Variants in DLGAP2 observed in about 807,000 individuals in gnomAD.
DLGAP2 encodes DLG associated protein 2.
DLGAP2 carries 26 observed loss-of-function variants against 100.3 expected under a neutral mutation model. That is an observed-to-expected ratio of 0.26 (90% CI 0.19 to 0.36). The LOEUF (loss-of-function observed/expected upper bound fraction) is 0.36, where lower values mean the gene tolerates loss of function less well. Among genes scored for constraint, DLGAP2 ranks in the 10% least tolerant of loss-of-function variants. The pLI is 1.00. For missense variants in DLGAP2, 1,858 were observed against 1,453.2 expected (o/e 1.28, Z -4.53); for synonymous variants, 886 against 630.1 (o/e 1.41, Z -6.08).
At chr8:828,615 G>T (rs900498207) in intron 1 of DLGAP2, among the ~76,000 whole-genome samples, 1 of 152,150 alleles carries the variant, frequency 6.6e-6, no homozygotes, top group South Asian at 2.1e-4. Context: ...GTCCTGAGAC[G>T]ATATGCATCC....
At chr8:1,098,831 A>G (rs1196406359) in intron 2 of DLGAP2, among the ~76,000 whole-genome samples, 3 of 150,804 alleles carry the variant, frequency 2.0e-5, no homozygotes, top group Admixed American at 6.6e-5. Flanking sequence ...CCGGCCGCGC[A>G]CGGACGCTGC....
intron 2 of DLGAP2, among the ~76,000 whole-genome samples, chr8:1,015,164 C>T (rs866984085): frequency 0.012 from 155 of 12,558 alleles, 4 homozygotes; most frequent in Admixed American, 0.026. Context: ...GGACAGACGA[C>T]GCCTCCACTG....
At chr8:1,628,963 T>C (rs1337131680) in intron 7 of DLGAP2, among the ~76,000 whole-genome samples, 1 of 152,256 alleles carries the variant, frequency 6.6e-6, no homozygotes, top group Non-Finnish European at 1.5e-5. Context: ...GAGTCCAGCA[T>C]ATACTGAGCA....
At chr8:1,036,343 C>T (rs1047828225) in intron 2 of DLGAP2, among the ~76,000 whole-genome samples, 1 of 152,258 alleles carries the variant, frequency 6.6e-6, no homozygotes, top group African/African-American at 2.4e-5. Context: ...GCAGTGGATG[C>T]TGGCTTGGGG....
intron 3 of DLGAP2, among the ~76,000 whole-genome samples, chr8:1,474,040 C>G (rs184703969): frequency 0.018 from 2,741 of 152,172 alleles, 83 homozygotes; most frequent in African/African-American, 0.063. Flanking sequence ...ATCCTTCACC[C>G]CTTCCCCCCG....
chr8:1,152,611 G>A (rs1180069424), intron 2 of DLGAP2, among the ~76,000 whole-genome samples: 1 of 152,204 alleles, frequency 6.6e-6, no homozygotes, highest in Non-Finnish European at 1.5e-5. Flanking sequence ...CCCAGCAGGG[G>A]AGGTTTGGGG....
chr8:1,391,964 A>T (rs975020931), intron 3 of DLGAP2, among the ~76,000 whole-genome samples: 1 of 152,200 alleles, frequency 6.6e-6, no homozygotes, highest in Non-Finnish European at 1.5e-5. Context: ...CATTGTTGTG[A>T]TGCTGTAGGA....
intron 3 of DLGAP2, among the ~76,000 whole-genome samples, chr8:1,348,436 C>T (rs1801619992): frequency 6.7e-6 from 1 of 148,818 alleles, no homozygotes; most frequent in African/African-American, 2.5e-5. Context: ...AGGCTGAGTT[C>T]CTATACAGAG....
chr8:1,022,813 C>T (rs572029449), intron 2 of DLGAP2, among the ~76,000 whole-genome samples: 1 of 152,138 alleles, frequency 6.6e-6, no homozygotes, highest in Non-Finnish European at 1.5e-5. Context: ...ACCCATCCCC[C>T]CCGGGAGTGG....
chr8:872,223 T>C (rs1797611963), intron 1 of DLGAP2, among the ~76,000 whole-genome samples: 1 of 152,180 alleles, frequency 6.6e-6, no homozygotes, highest in Non-Finnish European at 1.5e-5. Flanking sequence ...ATTTTTTTAT[T>C]ATTCAACTTC....
intron 3 of DLGAP2, among the ~76,000 whole-genome samples, chr8:1,481,518 G>C (rs1346979500): frequency 1.6e-5 from 1 of 63,448 alleles, no homozygotes; most frequent in South Asian, 5.3e-4. Context: ...TGCTTTTGTC[G>C]CCCAGGCTGG....
intron 14 of DLGAP2, among the ~76,000 whole-genome samples, chr8:1,699,668 A>C (rs1233189420): frequency 6.6e-6 from 1 of 151,878 alleles, no homozygotes; most frequent in Non-Finnish European, 1.5e-5. Flanking sequence ...AGAGCACGCC[A>C]GTCCAGAAAG....
At position 807,778 on chromosome 8, in the gene DLGAP2, T is replaced by G. The variant is rs182175209; in HGVS notation, c.18+69953T>G. ...ATTTCTTAGCTACTTAGCTGTCTCT[T>G]TTTACTGCTACCCATTTTCCCTTTG... On this transcript the variant is annotated intron_variant, in intron 1 of 14. Transcript: ENST00000637795. 5.3e-5 allele frequency among the ~76,000 whole-genome samples: 8 copies of G among 152,340 alleles called. No homozygotes were observed. The East Asian group carries it at 1.5e-3, about 29-fold the overall frequency.
chr8:892,920 C>T (rs28453301), intron 1 of DLGAP2: 33,151 of 151,788 alleles, frequency 0.22, 4,188 homozygotes, highest in Non-Finnish European at 0.28. Flanking sequence ...CCCCAACCCA[C>T]CCCCATGGAA....
At chr8:1,173,678 C>T (rs941446060) in intron 2 of DLGAP2, among the ~76,000 whole-genome samples, 6 of 152,210 alleles carry the variant, frequency 3.9e-5, no homozygotes, top group African/African-American at 1.4e-4. Flanking sequence ...GTAGGACCCT[C>T]TGAGCCAGGT....
At chr8:1,385,878 G>C in intron 3 of DLGAP2, among the ~76,000 whole-genome samples, 1 of 152,152 alleles carries the variant, frequency 6.6e-6, no homozygotes, top group South Asian at 2.1e-4. Context: ...TACCCGGCCT[G>C]TGCCCGGCCC....
chr8:1,054,106 C>A (rs189151351), intron 2 of DLGAP2, among the ~76,000 whole-genome samples: 68 of 152,192 alleles, frequency 4.5e-4, no homozygotes, highest in African/African-American at 1.4e-3. Flanking sequence ...AGCCTGTGTG[C>A]GGCACCCGGC....
chr8:1,628,246 C>A (rs950887046), intron 7 of DLGAP2, among the ~76,000 whole-genome samples: 1 of 139,454 alleles, frequency 7.2e-6, no homozygotes, highest in Non-Finnish European at 1.5e-5. Context: ...TACTGTGGAG[C>A]AGGGATTAAG....
chr8:1,562,620 G>C (rs1209821700), intron 5 of DLGAP2, among the ~76,000 whole-genome samples: 1 of 55,722 alleles, frequency 1.8e-5, no homozygotes, highest in African/African-American at 7.8e-5. Flanking sequence ...CTCGGGGACT[G>C]TGTGGTGTTG....
Sources: gnomAD v4.1 joint callset for allele counts (sites outside exome capture counted in the v4.1 genomes callset) on GRCh38, gnomAD v4.1.1 for gene constraint, MANE v1.5 for transcripts, NCBI Gene and HGNC (gene_info 2026-07-23, HGNC 2026-07-21) for gene names.